Variants in SLC15A2 observed in about 807,000 individuals in gnomAD.
The protein encoded by SLC15A2 is kidney H(+)/peptide cotransporter.
A neutral mutation model predicts 95.5 loss-of-function variants in SLC15A2; 77 were observed. That is an observed-to-expected ratio of 0.81 (90% CI 0.67 to 0.97). SLC15A2 has a LOEUF of 0.97. Ranked by LOEUF, SLC15A2 falls within the 50% of genes least tolerant of loss-of-function variation. The pLI is 0.00. For synonymous variants in SLC15A2, 306 were observed against 306.9 expected, an observed-to-expected ratio of 1.00 and a Z score of 0.03; for missense variants, 893 against 874.4, an observed-to-expected ratio of 1.02 and a Z score of -0.27.
intron 4 of SLC15A2, 147 bp from the exon 5 acceptor site, chr3:121,912,874 A>G: frequency 1.6e-6 from 1 of 606,290 alleles, no homozygotes; most frequent in Non-Finnish European, 3.0e-6. Flanking sequence ...TCCTAGGAAT[A>G]AAGGCAAATG....
At chr3:121,938,474 T>G (rs535508437) in intron 19 of SLC15A2, among the ~76,000 whole-genome samples, 1 of 152,278 alleles carries the variant, frequency 6.6e-6, no homozygotes, top group East Asian at 1.9e-4. Context: ...TGGTGCGCCG[T>G]TTTTTAAGCC....
chr3:121,909,910 T>C (rs1311850705), intron 3 of SLC15A2, among the ~76,000 whole-genome samples: 1 of 152,110 alleles, frequency 6.6e-6, no homozygotes, highest in East Asian at 1.9e-4. Flanking sequence ...AGCCAAAAGA[T>C]TGGACACCCC....
Position 121,940,425 on chromosome 3 carries a change from A to AT in SLC15A2, c.1952dup (p.Leu651PhefsTer60). 1 of 1,614,072 alleles carries AT rather than the reference A, an allele frequency of 6.2e-7. No individual in the cohort carries two copies. The highest frequency in any genetic ancestry group is 8.5e-7 in the Non-Finnish European group (1 of 1,179,962). The stretch of plus-strand genomic sequence containing the variant: ...AATCTGTGCTCCAGGCAGCTTGGCT[A>AT]TTGACAATTGCAGTTGGGAATATCA... On this transcript the variant is annotated frameshift_variant, in exon 21 of 22. Transcript: ENST00000489711. LOFTEE classifies it high-confidence loss of function.
At chr3:121,938,003 G>C (rs149629884) in intron 19 of SLC15A2, among the ~76,000 whole-genome samples, 3 of 151,416 alleles carry the variant, frequency 2.0e-5, no homozygotes, top group Admixed American at 2.0e-4. Flanking sequence ...CTCAGCTGCA[G>C]GTCTGTTGGA....
chr3:121,908,922 C>A (rs995905465), intron 3 of SLC15A2, among the ~76,000 whole-genome samples: 4 of 151,980 alleles, frequency 2.6e-5, no homozygotes, highest in African/African-American at 9.7e-5. Context: ...CCTGTAATCC[C>A]AGCACTTTGG....
At chr3:121,920,904 C>T (rs986734582) in intron 7 of SLC15A2, among the ~76,000 whole-genome samples, 1 of 152,146 alleles carries the variant, frequency 6.6e-6, no homozygotes, top group Non-Finnish European at 1.5e-5. Flanking sequence ...AGGGGCATCA[C>T]GCTGAAGCTG....
chr3:121,932,194 G>A (rs1277605120), intron 19 of SLC15A2, among the ~76,000 whole-genome samples: 4 of 152,112 alleles, frequency 2.6e-5, no homozygotes, highest in Admixed American at 2.0e-4. Context: ...GTGAGTCACC[G>A]CACCTGGCTC....
Position 121,897,409 on chromosome 3 carries a change from TG to T in SLC15A2, c.216del (p.Tyr73IlefsTer54). On this transcript the variant is annotated frameshift_variant, in exon 3 of 22. Coordinates refer to ENST00000489711, the MANE Select transcript of SLC15A2 (RefSeq NM_021082.4). LOFTEE classifies it high-confidence loss of function. Reference sequence around the variant, plus strand: ...ACAGCTGTGCTGATCCTGTATTTCCTGTATTTCCTGCACTGGAATGAAGATA... The same window carrying T: ...ACAGCTGTGCTGATCCTGTATTTCCTTATTTCCTGCACTGGAATGAAGATA... ...GMKAVLILYF[L>X]YFLHWNEDTS... 1 of 1,614,126 alleles carries T rather than the reference TG, an allele frequency of 6.2e-7. No homozygotes were observed. Among genetic ancestry groups the T allele is most frequent in the Non-Finnish European group, 8.5e-7 (1 of 1,179,976 alleles).
In SLC15A2 at chr3:121,898,386, C is replaced by T. The variant is rs1709461613; in HGVS notation, c.335+857C>T. Among the ~76,000 whole-genome samples the T allele has an allele frequency of 4.6e-5, 7 of 152,072 alleles. No homozygotes were observed. The South Asian group carries it at 1.5e-3, about 32-fold the overall frequency. ...ACTATTGGTTCATTCAGTTCAGTAT[C>T]TTTTAAGTCCCTGAACACAGCACCA... On this transcript the variant is annotated intron_variant, in intron 3 of 21. Transcript: ENST00000489711.
rs1337805893 is a variant in SLC15A2, at chr3:121,944,049, A to G, written c.*3042A>G. 1 of 152,276 alleles carries G rather than the reference A, an allele frequency of 6.6e-6. No homozygotes were observed. The highest frequency in any genetic ancestry group is 2.4e-5 in the African/African-American group (1 of 41,474). 9.4% of individuals were successfully genotyped at this position (152,276 alleles called of 1,614,324 possible). A position where few individuals can be genotyped will look rare whatever the true frequency, so the allele number is the denominator to read the frequency against. ...ATAATTCATTTGAAAAAATGTGGACACACAAATTGGAAAAGAGGTATAAAT... is the reference window on the plus strand; with the variant it reads ...ATAATTCATTTGAAAAAATGTGGACGCACAAATTGGAAAAGAGGTATAAAT... On this transcript the variant is annotated 3_prime_UTR_variant, in exon 22 of 22. Coordinates refer to ENST00000489711, the MANE Select transcript of SLC15A2 (RefSeq NM_021082.4).
In SLC15A2 at chr3:121,922,288, T is replaced by C; in HGVS notation, c.766T>C (p.Phe256Leu). The C allele has an allele frequency of 6.2e-7, 1 of 1,613,830 alleles. No individual in the cohort carries two copies. The highest frequency in any genetic ancestry group is 8.5e-7 in the Non-Finnish European group (1 of 1,179,760). Residue 256 changes from phenylalanine to leucine, a missense_variant, in exon 8 of 22, where the codon TTC becomes CTC. Transcript: ENST00000489711. Reference sequence around the variant, plus strand: ...TGAAGGAAACATAGTGGCTCAAGTTTTCAAATGTATCTGGGTAAGTCCATA... The same window carrying C: ...TGAAGGAAACATAGTGGCTCAAGTTCTCAAATGTATCTGGGTAAGTCCATA... ...PPEGNIVAQV[F>L]KCIWFAISNR...
chr3:121,922,380 G>A (rs898940080), intron 8 of SLC15A2, 78 bp downstream of exon 8: 14 of 1,127,958 alleles, frequency 1.2e-5, no homozygotes, highest in Middle Eastern at 2.0e-4. Flanking sequence ...GCCTTCAAAC[G>A]TGGGCATACA....
chr3:121,935,364 G>T (rs908275776), intron 19 of SLC15A2, among the ~76,000 whole-genome samples: 1 of 152,136 alleles, frequency 6.6e-6, no homozygotes. Flanking sequence ...TGTATCTCTG[G>T]TAGAATTCGG....
At chr3:121,910,430 C>T (rs920077021) in intron 3 of SLC15A2, among the ~76,000 whole-genome samples, 3 of 152,046 alleles carry the variant, frequency 2.0e-5, no homozygotes, top group African/African-American at 7.2e-5. Context: ...CTCCTGACCT[C>T]GTGATCCACC....
intron 7 of SLC15A2, among the ~76,000 whole-genome samples, chr3:121,919,066 G>A (rs1324175075): frequency 6.6e-6 from 1 of 152,188 alleles, no homozygotes; most frequent in Non-Finnish European, 1.5e-5. Context: ...ACTCGGAGAT[G>A]CTAGCAATTG....
At chr3:121,904,778 T>C (rs1420390510) in intron 3 of SLC15A2, among the ~76,000 whole-genome samples, 3 of 152,254 alleles carry the variant, frequency 2.0e-5, no homozygotes, top group Admixed American at 6.5e-5. Flanking sequence ...GATTTTCACA[T>C]TGGTGTTCAC....
chr3:121,918,522 A>G (rs1403250914), intron 7 of SLC15A2, among the ~76,000 whole-genome samples: 1 of 152,134 alleles, frequency 6.6e-6, no homozygotes, highest in Non-Finnish European at 1.5e-5. Flanking sequence ...GCAATAAACC[A>G]TGAAATGAAG....
intron 19 of SLC15A2, among the ~76,000 whole-genome samples, chr3:121,938,395 G>A (rs1710393394): frequency 6.6e-6 from 1 of 152,230 alleles, no homozygotes; most frequent in South Asian, 2.1e-4. Context: ...ATCTCAGACT[G>A]CTGTGCTAGC....
Position 121,939,464 on chromosome 3 carries a change from C to G in SLC15A2, c.1877C>G (p.Ser626Cys), listed in dbSNP as rs767618527. 5 of 1,526,392 alleles carry G rather than the reference C, an allele frequency of 3.3e-6. No homozygotes were observed. Among genetic ancestry groups the G allele is most frequent in the Admixed American group, 4.4e-5 (2 of 45,066 alleles). The allele number at this position is 1,526,392 out of a possible 1,614,324, so 94.6% of individuals were successfully genotyped here. ...GTTACAGCTGGGGAGGTCATGTTCTCTGTCACAGGTCTTGAGTTTTCTTAT... is the reference window on the plus strand; with the variant it reads ...GTTACAGCTGGGGAGGTCATGTTCTGTGTCACAGGTCTTGAGTTTTCTTAT... ...ALVTAGEVMF[S>C]VTGLEFSYSQ... Residue 626 changes from serine (S) to cysteine (C), a missense_variant, in exon 20 of 22, where the codon TCT becomes TGT. Coordinates refer to ENST00000489711, the MANE Select transcript of SLC15A2 (RefSeq NM_021082.4).
Sources: allele counts gnomAD v4.1 joint callset (sites outside exome capture counted in the v4.1 genomes callset), GRCh38; gene constraint gnomAD v4.1.1; transcripts MANE v1.5; gene names NCBI Gene and HGNC (gene_info 2026-07-23, HGNC 2026-07-21).